DLGAP3: variants seen among roughly 807,000 people sequenced by gnomAD.
DLGAP3 encodes disks large-associated protein 3.
In DLGAP3, 17 loss-of-function variants were observed where a neutral mutation model predicts 81.2. The observed-to-expected ratio is 0.21, with a 90% CI of 0.14 to 0.31. DLGAP3 has a LOEUF of 0.31. Among genes scored for constraint, DLGAP3 ranks in the 10% least tolerant of loss-of-function variants. The pLI, the probability that DLGAP3 is intolerant of heterozygous loss-of-function variation, is 1.00. For synonymous variants in DLGAP3, 577 were observed against 587.4 expected (o/e 0.98, Z 0.26); for missense variants, 1,124 against 1,388.0 (o/e 0.81, Z 3.02).
rs1483525412 is a variant in DLGAP3 at position 34,895,114 on chromosome 1, TC to T, written c.1386+4554del. Among the ~76,000 whole-genome samples, 1 of 152,210 alleles carries T rather than the reference TC, an allele frequency of 6.6e-6. No individual in the cohort carries two copies. Among genetic ancestry groups the T allele is most frequent in the African/African-American group, 2.4e-5 (1 of 41,458 alleles). ...CAGGAGCATTGGCTCATGCCTGTAATCCCAGAACTTTGGGAGGCCAAGGCAG... is the reference window on the plus strand; with the variant it reads ...CAGGAGCATTGGCTCATGCCTGTAATCCAGAACTTTGGGAGGCCAAGGCAG... On this transcript the variant is annotated intron_variant, in intron 5 of 11. Coordinates refer to ENST00000373347, the MANE Select transcript of DLGAP3 (RefSeq NM_001080418.3). The surrounding 1 kb of genome is among the most constrained non-coding windows in gnomAD (Gnocchi z 4.5).
intron 1 of DLGAP3, among the ~76,000 whole-genome samples, chr1:34,923,339 C>A (rs1639822917): frequency 6.6e-6 from 1 of 152,166 alleles, no homozygotes; most frequent in Non-Finnish European, 1.5e-5. Flanking sequence ...AGCCTGTGGG[C>A]CCTACAAGGG....
intron 8 of DLGAP3, among the ~76,000 whole-genome samples, chr1:34,871,940 T>A (rs1638987251): frequency 6.6e-6 from 1 of 152,082 alleles, no homozygotes; most frequent in African/African-American, 2.4e-5. Flanking sequence ...AGAAGCACAG[T>A]CCTCACCAAC....
chr1:34,916,661 ATTTTATTTTATTTTATT>A (rs1310630989), intron 1 of DLGAP3, among the ~76,000 whole-genome samples: 1 of 1,954 alleles, frequency 5.1e-4, no homozygotes, highest in African/African-American at 6.4e-4. Flanking sequence ...ATTTTATTTT[ATTTTATTTTATTTTATT>A]TTATTTTATT....
Position 34,866,145 on chromosome 1 carries a change from A to T in DLGAP3, c.2878T>A (p.Ser960Thr), listed in dbSNP as rs1391532256. 6 of 1,593,546 alleles carry T rather than the reference A, an allele frequency of 3.8e-6. No individual in the cohort carries two copies. The African/African-American group carries it at 8.2e-5, about 22-fold the overall frequency. ...ATGCTGTCGGCGCTCTCGGTGGCCGAGCTGTGGCGGAAGGAAGCGGCGCGC... is the reference window on the plus strand; with the variant it reads ...ATGCTGTCGGCGCTCTCGGTGGCCGTGCTGTGGCGGAAGGAAGCGGCGCGC... ...AKRAASFRHSSATESADSIEI... is the reference protein window; with the variant it reads ...AKRAASFRHSTATESADSIEI... The change falls in exon 12 of 12, where the codon TCG becomes ACG. Residue 960 changes from serine (S) to threonine (T), a missense_variant. Physicochemically the swap from Ser to Thr is moderately conservative, Grantham distance 58. Transcript: ENST00000373347.
At chr1:34,920,853 A>G (rs1461225101) in intron 1 of DLGAP3, among the ~76,000 whole-genome samples, 1 of 152,250 alleles carries the variant, frequency 6.6e-6, no homozygotes, top group Non-Finnish European at 1.5e-5. Context: ...GTGGAAAAAG[A>G]GGGATGATTA....
At position 34,867,716 on chromosome 1, in the gene DLGAP3, C is replaced by G; in HGVS notation, c.2486-89G>C. The G allele has an allele frequency of 9.1e-7, 1 of 1,097,642 alleles. No homozygotes were observed. The highest frequency in any genetic ancestry group is 1.2e-5 in the South Asian group (1 of 80,338). The allele number at this position is 1,097,642 out of a possible 1,614,324, so 68.0% of individuals were successfully genotyped here. On this transcript the variant is annotated intron_variant, in intron 9 of 11. Coordinates refer to ENST00000373347, the MANE Select transcript of DLGAP3 (RefSeq NM_001080418.3). The surrounding 1 kb of genome is among the most constrained non-coding windows in gnomAD (Gnocchi z 4.3). ...TCTGCCCTGAATGACGCTGACCCCT[C>G]GGTTGCTTGGCACTGTGTATCCATC...
chr1:34,869,161 A>G (rs1638938707), intron 8 of DLGAP3, 72 bp from the exon 9 acceptor site: 1 of 1,139,798 alleles, frequency 8.8e-7, no homozygotes, highest in Non-Finnish European at 1.2e-6. Flanking sequence ...CCCAAGCAAA[A>G]AAAAGGAAGG....
At chr1:34,896,689 AG>A (rs777461526) in intron 5 of DLGAP3, among the ~76,000 whole-genome samples, 7 of 152,184 alleles carry the variant, frequency 4.6e-5, no homozygotes, top group Non-Finnish European at 8.8e-5. Context: ...TCAGACGTTA[AG>A]TCAAATATGC....
chr1:34,886,191 C>T lies in DLGAP3; in HGVS notation c.1481G>A (p.Gly494Asp). ...GCTGTGGCTCCGCATGCGGAAACAG[C>T]CGGGCAGGTCCAGGGCGTCCACGGC... is the stretch of plus-strand genomic sequence containing the variant. The part of the protein sequence containing the change: ...SQAVDALDLP[G>D]CFRMRSHSYL... The change falls in exon 6 of 12, where the codon GGC becomes GAC. Residue 494 changes from glycine to aspartate, a missense_variant. Physicochemically the swap from Gly to Asp is moderately conservative, Grantham distance 94. Transcript: ENST00000373347. 1 of 1,611,080 alleles carries T rather than the reference C, an allele frequency of 6.2e-7. No homozygotes were observed. The highest frequency in any genetic ancestry group is 1.7e-5 in the Admixed American group (1 of 59,824).
intron 8 of DLGAP3, among the ~76,000 whole-genome samples, chr1:34,871,757 T>C (rs569318640): frequency 1.2e-4 from 19 of 152,288 alleles, no homozygotes; most frequent in African/African-American, 4.6e-4. Context: ...CCGCCTGTCC[T>C]CTGAGATGTC....
At chr1:34,913,826 C>T (rs898748127) in intron 1 of DLGAP3, among the ~76,000 whole-genome samples, 3 of 152,134 alleles carry the variant, frequency 2.0e-5, no homozygotes, top group African/African-American at 4.8e-5. Flanking sequence ...TTTGGAGAGT[C>T]CTGGAGAATC....
chr1:34,865,571 G>GCCTC lies in DLGAP3; in HGVS notation c.*511_*512insGAGG, dbSNP rs1638858434. ...AGAGGCCCAGGCGCCCTGGTCCTGG[G>GCCTC]TTGGTCCAGCCACTGTGGTCCCTGG... On this transcript the variant is annotated 3_prime_UTR_variant, in exon 12 of 12. Transcript: ENST00000373347. 1.0e-5 allele frequency: 2 copies of GCCTC among 194,810 alleles called. No homozygotes were observed. Among genetic ancestry groups the GCCTC allele is most frequent in the South Asian group, 1.4e-4 (2 of 14,254 alleles). The allele number at this position is 194,810 out of a possible 1,614,324, so 12.1% of individuals were successfully genotyped here. A position where few individuals can be genotyped will look rare whatever the true frequency, so the allele number is the denominator to read the frequency against.
At chr1:34,913,472 C>T (rs1255459225) in intron 1 of DLGAP3, among the ~76,000 whole-genome samples, 1 of 152,190 alleles carries the variant, frequency 6.6e-6, no homozygotes, top group Non-Finnish European at 1.5e-5. Context: ...GAGAGGCCTA[C>T]CTGATCACTC....
In DLGAP3 at chr1:34,885,559, G is replaced by A. The variant is rs746532315; in HGVS notation, c.1833C>T (p.Leu611=). ...CCCTGCCAGGGATGGTCTTGATGAT[G>A]AGTGTGGGGGGCTTGGGGCTGGCCC... ...PPRASPKPPT[L]IIKTIPGREE... The change falls in exon 7 of 12, where the codon CTC becomes CTT. Residue 611 remains leucine, a synonymous_variant. Transcript: ENST00000373347. 16 of 1,607,696 alleles carry A rather than the reference G, an allele frequency of 1.0e-5. No homozygotes were observed. The highest frequency in any genetic ancestry group is 8.5e-7 in the Non-Finnish European group (1 of 1,179,650).
chr1:34,914,430 G>C (rs1639686301), intron 1 of DLGAP3, among the ~76,000 whole-genome samples: 1 of 152,194 alleles, frequency 6.6e-6, no homozygotes, highest in Admixed American at 6.5e-5. Flanking sequence ...TGCTGAGAGA[G>C]AGGACTTCTA....
chr1:34,884,013 G>T (rs1048631987), intron 8 of DLGAP3, among the ~76,000 whole-genome samples: 9 of 152,006 alleles, frequency 5.9e-5, no homozygotes, highest in Non-Finnish European at 1.3e-4. Context: ...CAGGCTCCTG[G>T]GTTCAACCAA....
Position 34,885,706 on chromosome 1 carries a change from G to A in DLGAP3, c.1686C>T (p.Thr562=), listed in dbSNP as rs376280827. The A allele has an allele frequency of 2.1e-6, 3 of 1,411,428 alleles. No homozygotes were observed. The highest frequency in any genetic ancestry group is 1.5e-5 in the African/African-American group (1 of 66,244). The allele number at this position is 1,411,428 out of a possible 1,614,324, so 87.4% of individuals were successfully genotyped here. A position where few individuals can be genotyped will look rare whatever the true frequency, so the allele number is the denominator to read the frequency against. ...CCGTGAAGCTCTCGTGCGCGGAGTCGGTGCTGCTCTGGGCGGTGATGGAGA... is the reference window on the plus strand; with the variant it reads ...CCGTGAAGCTCTCGTGCGCGGAGTCAGTGCTGCTCTGGGCGGTGATGGAGA... The part of the protein sequence containing the change: ...PRISITAQSS[T]DSAHESFTAA... The change falls in exon 7 of 12, where the codon ACC becomes ACT. Residue 562 remains threonine (T), a synonymous_variant. Transcript: ENST00000373347.
chr1:34,911,961 G>A (rs990510024), intron 1 of DLGAP3, among the ~76,000 whole-genome samples: 5 of 152,200 alleles, frequency 3.3e-5, no homozygotes, highest in African/African-American at 1.2e-4. Context: ...GATTAAAGCA[G>A]TTGTTGGTGT....
rs1375424627 is a variant in DLGAP3, at chr1:34,904,876, T to G, written c.508A>C (p.Ile170Leu). The change falls in exon 3 of 12, where the codon ATC becomes CTC. Residue 170 changes from isoleucine to leucine, a missense_variant. Physicochemically the swap from Ile to Leu is conservative, Grantham distance 5. Coordinates refer to ENST00000373347, the MANE Select transcript of DLGAP3 (RefSeq NM_001080418.3). This position sits in a 1 kb window ranked among gnomAD's most constrained non-coding sequence, Gnocchi z 8.1. ...PEPRSESPSR[I>L]RHLVHSVQKL... ...TGCACAGAATGAACCAGGTGCCGGATGCGGCTAGGGCTCTCACTGCGGGGC... is the reference window on the plus strand; with the variant it reads ...TGCACAGAATGAACCAGGTGCCGGAGGCGGCTAGGGCTCTCACTGCGGGGC... 2 of 1,610,598 alleles carry G rather than the reference T, an allele frequency of 1.2e-6. No homozygotes were observed. Among genetic ancestry groups the G allele is most frequent in the South Asian group, 2.2e-5 (2 of 91,082 alleles).
Sources: allele counts gnomAD v4.1 joint callset (sites outside exome capture counted in the v4.1 genomes callset), GRCh38; gene constraint gnomAD v4.1.1; non-coding constraint Gnocchi (gnomAD v3.1); transcripts MANE v1.5; gene names NCBI Gene and HGNC (gene_info 2026-07-23, HGNC 2026-07-21).